Variants in ZBTB20 observed in about 807,000 individuals in gnomAD.
ZBTB20 encodes zinc finger and BTB domain containing 20, also known as zinc finger and BTB domain-containing protein 20.
ZBTB20 carries 9 observed loss-of-function variants against 56.9 expected under a neutral mutation model. The observed-to-expected ratio is 0.16, with a 90% CI of 0.10 to 0.28. The LOEUF (loss-of-function observed/expected upper bound fraction) is 0.28, where lower values mean the gene tolerates loss of function less well. Among genes scored for constraint, ZBTB20 ranks in the 10% least tolerant of loss-of-function variants. ZBTB20 has a pLI of 1.00. For missense variants in ZBTB20, 655 were observed against 1,003.0 expected (o/e 0.65, Z 4.69); for synonymous variants, 417 against 420.7 (o/e 0.99, Z 0.11).
At chr3:115,098,434 T>C (rs2083457452) in intron 1 of ZBTB20, among the ~76,000 whole-genome samples, 1 of 152,128 alleles carries the variant, frequency 6.6e-6, no homozygotes, top group Admixed American at 6.5e-5. Flanking sequence ...AAAGTATATA[T>C]AAAATTGTAT....
chr3:114,463,188 G>T (rs754003785), intron 7 of ZBTB20, among the ~76,000 whole-genome samples: 7 of 152,182 alleles, frequency 4.6e-5, no homozygotes, highest in Non-Finnish European at 1.0e-4. Flanking sequence ...GATCAAAATG[G>T]ATGATGTATC....
intron 6 of ZBTB20, chr3:114,527,182 A>T (rs1012271635): frequency 1.3e-5 from 2 of 152,212 alleles, no homozygotes; most frequent in African/African-American, 4.8e-5. Flanking sequence ...TTTAAAAAAT[A>T]AAAGAAGGCC....
chr3:114,742,834 G>A (rs759084037), intron 5 of ZBTB20, among the ~76,000 whole-genome samples: 24 of 152,124 alleles, frequency 1.6e-4, no homozygotes, highest in Non-Finnish European at 2.9e-4. Flanking sequence ...GCCCTGATGT[G>A]GGTGTTTGTT....
chr3:114,379,912 C>T (rs958328940), intron 10 of ZBTB20, among the ~76,000 whole-genome samples: 2 of 152,094 alleles, frequency 1.3e-5, no homozygotes, highest in African/African-American at 4.8e-5. Flanking sequence ...TGCCATTATC[C>T]AGATCAAGAA....
chr3:115,005,839 A>T (rs2108235471), intron 2 of ZBTB20, among the ~76,000 whole-genome samples: 1 of 151,856 alleles, frequency 6.6e-6, no homozygotes, highest in South Asian at 2.1e-4. Flanking sequence ...CAGGTTTATT[A>T]TGGGACTGTG....
chr3:114,956,442 A>G (rs2077249511), intron 3 of ZBTB20, among the ~76,000 whole-genome samples: 1 of 152,206 alleles, frequency 6.6e-6, no homozygotes, highest in Non-Finnish European at 1.5e-5. Flanking sequence ...AAATAGGCCA[A>G]TAATAATCTT....
At chr3:114,510,205 T>C (rs559762298) in intron 6 of ZBTB20, among the ~76,000 whole-genome samples, 1 of 152,312 alleles carries the variant, frequency 6.6e-6, no homozygotes, top group South Asian at 2.1e-4. Flanking sequence ...AAGTACCAGA[T>C]TTGCCAGGTC....
At chr3:114,682,240 C>A (rs140188724) in intron 6 of ZBTB20, among the ~76,000 whole-genome samples, 2 of 152,000 alleles carry the variant, frequency 1.3e-5, no homozygotes, top group African/African-American at 4.8e-5. Flanking sequence ...TATATATGCA[C>A]AGGAAAAAAA....
At chr3:114,892,601 T>C (rs1283307479) in intron 4 of ZBTB20, among the ~76,000 whole-genome samples, 6 of 152,106 alleles carry the variant, frequency 3.9e-5, no homozygotes, top group Admixed American at 6.5e-5. Flanking sequence ...TGGAGTGCTT[T>C]ATCTGCTCCA....
chr3:114,438,689 T>TA (rs2090705259), intron 7 of ZBTB20, among the ~76,000 whole-genome samples: 1 of 152,146 alleles, frequency 6.6e-6, no homozygotes. Flanking sequence ...TAGGGAAAGA[T>TA]AAATTCTAGG....
At chr3:114,911,188 C>T (rs543208914) in intron 3 of ZBTB20, among the ~76,000 whole-genome samples, 17 of 151,926 alleles carry the variant, frequency 1.1e-4, no homozygotes, top group African/African-American at 4.1e-4. Flanking sequence ...CTAGTGACAC[C>T]CAAGACCTAA....
intron 6 of ZBTB20, among the ~76,000 whole-genome samples, chr3:114,625,242 G>T (rs985314206): frequency 2.0e-5 from 3 of 152,068 alleles, no homozygotes; most frequent in African/African-American, 7.2e-5. Context: ...AAAAAAAGCT[G>T]CCTACCAAAC....
intron 6 of ZBTB20, among the ~76,000 whole-genome samples, chr3:114,676,086 A>G (rs2061610102): frequency 6.6e-6 from 1 of 152,208 alleles, no homozygotes. Context: ...ATTCAAACCT[A>G]GGAAGCCAGA....
intron 6 of ZBTB20, among the ~76,000 whole-genome samples, chr3:114,607,643 G>C (rs1414192660): frequency 6.6e-6 from 1 of 152,108 alleles, no homozygotes; most frequent in Non-Finnish European, 1.5e-5. Flanking sequence ...TGTATCATGT[G>C]ACAAACCTGT....
At chr3:114,435,442 C>G (rs897589286) in intron 7 of ZBTB20, among the ~76,000 whole-genome samples, 1 of 152,096 alleles carries the variant, frequency 6.6e-6, no homozygotes, top group Non-Finnish European at 1.5e-5. Context: ...AGAGAAGTTA[C>G]GTAAATATCC....
In ZBTB20 at chr3:114,973,824, C is replaced by G. The variant is rs557066331; in HGVS notation, c.-456+542G>C. Among the ~76,000 whole-genome samples the G allele has an allele frequency of 2.6e-4, 40 of 152,212 alleles. 2 individuals are homozygous for G. The South Asian group carries it at 8.3e-3, about 32-fold the overall frequency. Reference sequence around the variant, plus strand: ...CTTCAATCCCTGTGAGCTCTTTATACACAATGCAGCCACACGAGTCTATTG... The same window carrying G: ...CTTCAATCCCTGTGAGCTCTTTATAGACAATGCAGCCACACGAGTCTATTG... On this transcript the variant is annotated intron_variant, in intron 3 of 11. Coordinates refer to ENST00000675478, the MANE Select transcript of ZBTB20 (RefSeq NM_001348800.3).
intron 6 of ZBTB20, among the ~76,000 whole-genome samples, chr3:114,639,259 T>A (rs957958013): frequency 6.6e-6 from 1 of 151,960 alleles, no homozygotes; most frequent in Non-Finnish European, 1.5e-5. Flanking sequence ...ACCTTAAACA[T>A]AAGGTGTGAT....
intron 7 of ZBTB20, among the ~76,000 whole-genome samples, chr3:114,436,555 C>T (rs570802278): frequency 2.4e-4 from 37 of 152,266 alleles, no homozygotes; most frequent in Admixed American, 1.2e-3. Flanking sequence ...TTATAGTACT[C>T]TTATAATGTT....
In ZBTB20 at chr3:114,962,941, G is replaced by T. The variant is rs1387716454; in HGVS notation, c.-456+11425C>A. 2.0e-5 allele frequency among the ~76,000 whole-genome samples: 3 copies of T among 152,016 alleles called. No homozygotes were observed. In the South Asian group the frequency reaches 6.2e-4, roughly 32 times the overall value. On this transcript the variant is annotated intron_variant, in intron 3 of 11. Coordinates refer to ENST00000675478, the MANE Select transcript of ZBTB20 (RefSeq NM_001348800.3). ...GTCTCTTGTGAAACAGGTTCTGTCA[G>T]TCAGAAGGCAAGGGTACATTTCTAT...
Sources: allele counts gnomAD v4.1 joint callset (sites outside exome capture counted in the v4.1 genomes callset), GRCh38; gene constraint gnomAD v4.1.1; transcripts MANE v1.5; gene names NCBI Gene and HGNC (gene_info 2026-07-23, HGNC 2026-07-21).